SNAPC1: variants seen among roughly 807,000 people sequenced by gnomAD.
SNAPC1 encodes the protein small nuclear RNA activating complex polypeptide 1.
A neutral mutation model predicts 50.1 loss-of-function variants in SNAPC1; 42 were observed. That is an observed-to-expected ratio of 0.84 (90% CI 0.65 to 1.08). SNAPC1 has a LOEUF of 1.08. Among genes scored for constraint, SNAPC1 ranks in the 50% least tolerant of loss-of-function variants. The pLI, the probability that SNAPC1 is intolerant of heterozygous loss-of-function variation, is 0.00. For missense variants in SNAPC1, 477 were observed against 427.3 expected, an observed-to-expected ratio of 1.12 and a Z score of -1.02; for synonymous variants, 164 against 144.2, an observed-to-expected ratio of 1.14 and a Z score of -0.98.
At chr14:61,790,134 G>A (rs1331354043) in intron 8 of SNAPC1, among the ~76,000 whole-genome samples, 1 of 152,122 alleles carries the variant, frequency 6.6e-6, no homozygotes, top group Non-Finnish European at 1.5e-5. Context: ...GGGAGAATTC[G>A]CTCCAGTCCG....
chr14:61,777,809 G>A (rs897790800), intron 5 of SNAPC1, among the ~76,000 whole-genome samples: 1 of 152,024 alleles, frequency 6.6e-6, no homozygotes. Flanking sequence ...AAACCTGAAG[G>A]AAAGGAGAAT....
chr14:61,782,249 A>C lies in SNAPC1; in HGVS notation c.828A>C (p.Ala276=). 1 of 1,589,402 alleles carries C rather than the reference A, an allele frequency of 6.3e-7. No individual in the cohort carries two copies. Among genetic ancestry groups the C allele is most frequent in the Non-Finnish European group, 8.5e-7 (1 of 1,171,908 alleles). ...KSKAFSVVIQ[A]SKSRRHRQVK... is the part of the protein sequence containing the mutation. ...TTAATTGGATTGTAACTCTTAAGGC[A>C]TCCAAATCAAGAAGGCATCGTCAAG... The change falls in exon 8 of 10, where the codon GCA becomes GCC. Residue 276 remains alanine (A), a splice_region_variant and synonymous_variant. Coordinates refer to ENST00000216294, the MANE Select transcript of SNAPC1 (RefSeq NM_003082.4).
chr14:61,790,633 G>A (rs3783749), intron 8 of SNAPC1, among the ~76,000 whole-genome samples: 23,274 of 151,988 alleles, frequency 0.15, 2,160 homozygotes, highest in South Asian at 0.32. Flanking sequence ...CACCGCACCC[G>A]GCTATGTAAC....
At chr14:61,777,634 G>A (rs1176868225) in intron 5 of SNAPC1, among the ~76,000 whole-genome samples, 1 of 149,712 alleles carries the variant, frequency 6.7e-6, no homozygotes, top group Non-Finnish European at 1.5e-5. Context: ...TTTTAGAGAT[G>A]GGGTCTTGCT....
At chr14:61,779,771 C>T (rs2045058999) in intron 7 of SNAPC1, among the ~76,000 whole-genome samples, 2 of 139,542 alleles carry the variant, frequency 1.4e-5, no homozygotes. Flanking sequence ...TGCAATGGTG[C>T]AATTTTGGCT....
At chr14:61,782,425 C>T (rs757978737) in intron 8 of SNAPC1, 28 bp downstream of exon 8, 2 of 1,568,216 alleles carry the variant, frequency 1.3e-6, no homozygotes, top group Non-Finnish European at 1.7e-6. Context: ...TACTAAGATT[C>T]AACAAAGGAG....
intron 8 of SNAPC1, among the ~76,000 whole-genome samples, chr14:61,789,590 T>G (rs1405956766): frequency 6.6e-6 from 1 of 152,056 alleles, no homozygotes; most frequent in Non-Finnish European, 1.5e-5. Context: ...CATAATTTCA[T>G]AGACTCAGAC....
At chr14:61,791,532 G>C (rs1359366190) in intron 8 of SNAPC1, among the ~76,000 whole-genome samples, 1 of 152,078 alleles carries the variant, frequency 6.6e-6, no homozygotes, top group Non-Finnish European at 1.5e-5. Flanking sequence ...TTATGTTACT[G>C]GGTTTTATAA....
At chr14:61,786,848 A>G (rs916273959) in intron 8 of SNAPC1, among the ~76,000 whole-genome samples, 2 of 152,256 alleles carry the variant, frequency 1.3e-5, no homozygotes, top group African/African-American at 4.8e-5. Context: ...ATGTGTATGC[A>G]AAAGTTTATG....
At chr14:61,783,591 A>G (rs1178978272) in intron 8 of SNAPC1, among the ~76,000 whole-genome samples, 1 of 130,174 alleles carries the variant, frequency 7.7e-6, no homozygotes, top group African/African-American at 3.0e-5. Context: ...GCTGAAGTGC[A>G]GTGGCGCGAT....
rs2045032772 is a variant in SNAPC1, at chr14:61,776,009, T to G, written c.535-86T>G. 4 of 1,009,656 alleles carry G rather than the reference T, an allele frequency of 4.0e-6. No individual in the cohort carries two copies. The South Asian group carries it at 5.1e-5, about 13-fold the overall frequency. The allele number at this position is 1,009,656 out of a possible 1,614,324, so 62.5% of individuals were successfully genotyped here. A position where few individuals can be genotyped will look rare whatever the true frequency, so the allele number is the denominator to read the frequency against. The stretch of plus-strand genomic sequence containing the variant: ...ATTACCTATCAACTGGAAGTCACTT[T>G]GGAAGGTGACTATTTTGTGTTGGTT... On this transcript the variant is annotated intron_variant, in intron 4 of 9. Coordinates refer to ENST00000216294, the MANE Select transcript of SNAPC1 (RefSeq NM_003082.4).
chr14:61,764,023 C>G (rs886187608), intron 1 of SNAPC1, among the ~76,000 whole-genome samples: 1 of 152,136 alleles, frequency 6.6e-6, no homozygotes, highest in East Asian at 1.9e-4. Context: ...CAACCTCCAC[C>G]TCCCGGGTTC....
At chr14:61,779,066 C>T (rs948095183) in intron 7 of SNAPC1, among the ~76,000 whole-genome samples, 156 bp downstream of exon 7, 9 of 152,170 alleles carry the variant, frequency 5.9e-5, no homozygotes, top group Non-Finnish European at 1.0e-4. Flanking sequence ...TGCCACTTCC[C>T]ACCCTTGTAT....
rs1331708617 is a variant in SNAPC1 at position 61,779,745 on chromosome 14, G to A, written c.825+835G>A. Among the ~76,000 whole-genome samples, 4 of 84,396 alleles carry A rather than the reference G, an allele frequency of 4.7e-5. No individual in the cohort carries two copies. In the Admixed American group the frequency reaches 7.1e-4, roughly 15 times the overall value. The allele number at this position is 84,396 out of a possible 152,430, so 55.4% of individuals were successfully genotyped here. A position where few individuals can be genotyped will look rare whatever the true frequency, so the allele number is the denominator to read the frequency against. On this transcript the variant is annotated intron_variant, in intron 7 of 9. Coordinates refer to ENST00000216294, the MANE Select transcript of SNAPC1 (RefSeq NM_003082.4). ...TTTTTTGAGACAGAGTTTTGCTCTT[G>A]TTGCCCAGGCTGGAGTGCAATGGTG...
chr14:61,774,665 T>C (rs2045021355), intron 4 of SNAPC1, among the ~76,000 whole-genome samples: 1 of 143,616 alleles, frequency 7.0e-6, no homozygotes, highest in African/African-American at 2.6e-5. Context: ...TTTTTTTTTT[T>C]TTTTTTTTTT....
rs1284417129 is a variant in SNAPC1, at chr14:61,768,680, A to G, written c.474A>G (p.Thr158=). The change falls in exon 4 of 10, where the codon ACA becomes ACG. Residue 158 remains threonine, a synonymous_variant. Transcript: ENST00000216294. Reference sequence around the variant, plus strand: ...AAAAAATTCACCGAGCTGAAGTTACAGAAGAATTTAAGGACCCAAGTGATC... The same window carrying G: ...AAAAAATTCACCGAGCTGAAGTTACGGAAGAATTTAAGGACCCAAGTGATC... The part of the protein sequence containing the change: ...MKKKIHRAEV[T]EEFKDPSDRV... 1 of 1,612,254 alleles carries G rather than the reference A, an allele frequency of 6.2e-7. No homozygotes were observed. Among genetic ancestry groups the G allele is most frequent in the East Asian group, 2.2e-5 (1 of 44,810 alleles).
At chr14:61,777,859 A>T (rs1022606703) in intron 5 of SNAPC1, among the ~76,000 whole-genome samples, 3 of 152,164 alleles carry the variant, frequency 2.0e-5, no homozygotes, top group African/African-American at 7.2e-5. Flanking sequence ...CTACCACATG[A>T]GTTAGGAGGA....
intron 8 of SNAPC1, 23 bp from the exon 9 acceptor site, chr14:61,792,784 A>C: frequency 1.5e-6 from 2 of 1,300,166 alleles, no homozygotes; most frequent in Non-Finnish European, 2.1e-6. Flanking sequence ...TTTCATATAA[A>C]ATCATTTTCT....
rs1329420811 is a variant in SNAPC1, at chr14:61,781,451, A to G, written c.826-796A>G. Among the ~76,000 whole-genome samples, 69 of 89,798 alleles carry G rather than the reference A, an allele frequency of 7.7e-4. No homozygotes were observed. The Admixed American group carries it at 7.7e-3, about 10-fold the overall frequency. The allele number at this position is 89,798 out of a possible 152,430, so 58.9% of individuals were successfully genotyped here. ...GGTGACAAAGCAAGACTCCATCTCC[A>G]AAAAAAAAAAAAAAAAAAGGACAGA... On this transcript the variant is annotated intron_variant, in intron 7 of 9. Coordinates refer to ENST00000216294, the MANE Select transcript of SNAPC1 (RefSeq NM_003082.4).
Sources: allele counts gnomAD v4.1 joint callset (sites outside exome capture counted in the v4.1 genomes callset), GRCh38; gene constraint gnomAD v4.1.1; transcripts MANE v1.5; gene names NCBI Gene and HGNC (gene_info 2026-07-23, HGNC 2026-07-21).